The following ETV1 variants were observed in gnomAD, a reference collection of about 807,000 sequenced individuals.
The protein encoded by ETV1 is ETS variant transcription factor 1, also known as ETS translocation variant 1.
In ETV1, 27 loss-of-function variants were observed where a neutral mutation model predicts 62.3. The observed-to-expected ratio is 0.43, with a 90% confidence interval of 0.32 to 0.60. ETV1 has a LOEUF of 0.60. ETV1 is among the 20% of genes least tolerant of loss of function. The probability of loss-of-function intolerance (pLI) is 0.06; values close to 1 mark genes in which losing one functional copy is unlikely to be tolerated. For missense variants in ETV1, 605 were observed against 605.8 expected, an observed-to-expected ratio of 1.00 and a Z score of 0.01; for synonymous variants, 222 against 199.6, an observed-to-expected ratio of 1.11 and a Z score of -0.94.
intron 6 of ETV1, among the ~76,000 whole-genome samples, chr7:13,972,565 C>A (rs189791098): frequency 6.6e-6 from 1 of 152,262 alleles, no homozygotes; most frequent in Non-Finnish European, 1.5e-5. Context: ...TTGAAATACT[C>A]CTTAATTTGT....
intron 9 of ETV1, among the ~76,000 whole-genome samples, chr7:13,916,351 G>C (rs569618688): frequency 1.3e-5 from 2 of 152,178 alleles, no homozygotes; most frequent in South Asian, 4.2e-4. Flanking sequence ...AGAGAGAAAA[G>C]TAGAGGTCAG....
intron 13 of ETV1, among the ~76,000 whole-genome samples, chr7:13,898,080 C>A (rs1052465172): frequency 1.3e-5 from 2 of 152,172 alleles, no homozygotes; most frequent in African/African-American, 4.8e-5. Flanking sequence ...ATTTTTAGGG[C>A]TACTACTTCA....
chr7:13,963,088 A>G (rs933845038), intron 6 of ETV1, among the ~76,000 whole-genome samples: 1 of 152,160 alleles, frequency 6.6e-6, no homozygotes, highest in Non-Finnish European at 1.5e-5. Flanking sequence ...CTAAAACTGT[A>G]TGAGCTTTGT....
rs540936411 is a variant in ETV1 at position 13,893,228 on chromosome 7, T to C, written c.*2638A>G. On this transcript the variant is annotated 3_prime_UTR_variant, in exon 14 of 14. Coordinates refer to ENST00000430479, the MANE Select transcript of ETV1 (RefSeq NM_004956.5). ...ACATCATTAACAAATGATTTCTATGTTTGAGTAGCCAATTCAATGAGAAAT... is the reference window on the plus strand; with the variant it reads ...ACATCATTAACAAATGATTTCTATGCTTGAGTAGCCAATTCAATGAGAAAT... 7 of 232,504 alleles carry C rather than the reference T, an allele frequency of 3.0e-5. No homozygotes were observed. The East Asian group carries it at 4.3e-4, about 14-fold the overall frequency. 14.4% of individuals were successfully genotyped at this position (232,504 alleles called of 1,614,324 possible). A position where few individuals can be genotyped will look rare whatever the true frequency, so the allele number is the denominator to read the frequency against.
At position 13,894,125 on chromosome 7, in the gene ETV1, A is replaced by G. The variant is rs1044494936; in HGVS notation, c.*1741T>C. On this transcript the variant is annotated 3_prime_UTR_variant, in exon 14 of 14. Coordinates refer to ENST00000430479, the MANE Select transcript of ETV1 (RefSeq NM_004956.5). ...CATGCTCATCACGAAATGCTTTTACAATAGGTTTATTTTGACTTTGTGTTT... is the reference window on the plus strand; with the variant it reads ...CATGCTCATCACGAAATGCTTTTACGATAGGTTTATTTTGACTTTGTGTTT... The G allele has an allele frequency of 1.2e-4, 28 of 232,304 alleles. No individual in the cohort carries two copies. The highest frequency in any genetic ancestry group is 5.5e-4 in the African/African-American group (25 of 45,130). The allele number at this position is 232,304 out of a possible 1,614,324, so 14.4% of individuals were successfully genotyped here.
At position 13,895,872 on chromosome 7, in the gene ETV1, C is replaced by G. The variant is rs773888009; in HGVS notation, c.1428G>C (p.Val476=). The change falls in exon 14 of 14, where the codon GTG becomes GTC. Residue 476 remains valine (V), a synonymous_variant. Transcript: ENST00000430479. ...CNPHPYNEGY[V]Y The stretch of plus-strand genomic sequence containing the variant: ...TGCTTGACTGTCACTTGTGTTAATA[C>G]ACGTAGCCTTCGTTGTAGGGGTGGG... 6.2e-7 allele frequency: 1 copy of G among 1,612,644 alleles called. No individual in the cohort carries two copies. The highest frequency in any genetic ancestry group is 8.5e-7 in the Non-Finnish European group (1 of 1,179,312).
intron 6 of ETV1, among the ~76,000 whole-genome samples, chr7:13,942,027 T>C (rs1281959397): frequency 1.4e-5 from 2 of 142,120 alleles, no homozygotes; most frequent in African/African-American, 5.2e-5. Flanking sequence ...TTTCTTTTTT[T>C]TTTTTTTTTT....
chr7:13,918,874 T>TTAAA (rs1554295311), intron 9 of ETV1, among the ~76,000 whole-genome samples: 3 of 141,680 alleles, frequency 2.1e-5, no homozygotes, highest in African/African-American at 7.8e-5. Context: ...TAAAGTATAA[T>TTAAA]AAAAAAAAAA....
chr7:13,976,910 A>C (rs1781503752), intron 6 of ETV1, among the ~76,000 whole-genome samples: 1 of 152,224 alleles, frequency 6.6e-6, no homozygotes, highest in Non-Finnish European at 1.5e-5. Context: ...AGGAAGCAGA[A>C]AATTTCAGGC....
chr7:13,922,118 T>C (rs1340058957), intron 9 of ETV1, among the ~76,000 whole-genome samples: 1 of 152,154 alleles, frequency 6.6e-6, no homozygotes, highest in Non-Finnish European at 1.5e-5. Context: ...AATAGATTGA[T>C]TTGAGAAGTA....
chr7:13,959,429 G>C (rs1018550596), intron 6 of ETV1, among the ~76,000 whole-genome samples: 1 of 152,104 alleles, frequency 6.6e-6, no homozygotes, highest in Admixed American at 6.5e-5. Flanking sequence ...TATGCTTTTA[G>C]AAGGCAGGAA....
chr7:13,899,689 T>G (rs1399564741), intron 13 of ETV1, among the ~76,000 whole-genome samples: 1 of 152,236 alleles, frequency 6.6e-6, no homozygotes, highest in Non-Finnish European at 1.5e-5. Flanking sequence ...TCAAAGCAAT[T>G]AGATTTCTGT....
intron 6 of ETV1, among the ~76,000 whole-genome samples, chr7:13,955,673 C>G (rs1034466099): frequency 2.0e-5 from 3 of 152,164 alleles, no homozygotes; most frequent in African/African-American, 7.2e-5. Context: ...TCTTTAAATA[C>G]TTTGCAAGTA....
chr7:13,984,976 C>T (rs1336318391), intron 5 of ETV1, among the ~76,000 whole-genome samples: 1 of 151,444 alleles, frequency 6.6e-6, no homozygotes, highest in African/African-American at 2.4e-5. Flanking sequence ...GAGTCTGTCA[C>T]AGATTCCACA....
intron 13 of ETV1, among the ~76,000 whole-genome samples, chr7:13,897,048 A>G (rs1781918826): frequency 6.6e-6 from 1 of 152,178 alleles, no homozygotes; most frequent in African/African-American, 2.4e-5. Flanking sequence ...CCCCAAACTT[A>G]AATTCTGAAG....
Position 13,895,993 on chromosome 7 carries a change from G to A in ETV1, c.1307C>T (p.Thr436Ile). The A allele has an allele frequency of 2.5e-6, 4 of 1,613,718 alleles. No homozygotes were observed. Among genetic ancestry groups the A allele is most frequent in the South Asian group, 1.1e-5 (1 of 91,020 alleles). The change falls in exon 14 of 14, where the codon ACA (threonine) becomes ATA (isoleucine). Residue 436 changes from threonine to isoleucine, a missense_variant. Around this residue, in one of 3 missense-constraint regions of ETV1, gnomAD observed 79 missense variants for 71.6 expected, o/e 1.10. Coordinates refer to ENST00000430479, the MANE Select transcript of ETV1 (RefSeq NM_004956.5). ...FPDNQRPLLKTDMERHINEED... is the reference protein window; with the variant it reads ...FPDNQRPLLKIDMERHINEED... The stretch of plus-strand genomic sequence containing the variant: ...CTCGTTGATGTGACGTTCCATGTCT[G>A]TCTTCAGCAGTGGACGCTGATTATC...
Position 13,924,948 on chromosome 7 carries a change from C to G in ETV1, c.802+6554G>C, listed in dbSNP as rs1377108808. Among the ~76,000 whole-genome samples, 3 of 152,060 alleles carry G rather than the reference C, an allele frequency of 2.0e-5. No homozygotes were observed. The South Asian group carries it at 6.2e-4, about 32-fold the overall frequency. On this transcript the variant is annotated intron_variant, in intron 9 of 13. Transcript: ENST00000430479. Reference sequence around the variant, plus strand: ...TTTGCTGTCAAAGAGTTACGTGCCTCCAAATTGAAAAAAGGCCTCATGAGT... The same window carrying G: ...TTTGCTGTCAAAGAGTTACGTGCCTGCAAATTGAAAAAAGGCCTCATGAGT...
At chr7:13,917,841 G>C (rs1422475103) in intron 9 of ETV1, among the ~76,000 whole-genome samples, 1 of 151,932 alleles carries the variant, frequency 6.6e-6, no homozygotes, top group African/African-American at 2.4e-5. Flanking sequence ...GCGGGCACCA[G>C]TAGTCCCAGC....
intron 12 of ETV1, 134 bp downstream of exon 12, chr7:13,906,296 T>A (rs1464116190): frequency 1.9e-5 from 11 of 577,670 alleles, no homozygotes; most frequent in Middle Eastern, 4.5e-4. Context: ...TATCTTTGCA[T>A]GCTTTTTAAT....
Sources: allele counts gnomAD v4.1 joint callset (sites outside exome capture counted in the v4.1 genomes callset), GRCh38; gene constraint gnomAD v4.1.1; regional missense constraint gnomAD v4.1.1; transcripts MANE v1.5; gene names NCBI Gene and HGNC (gene_info 2026-07-23, HGNC 2026-07-21).